The following PTPRD variants were observed in gnomAD, a reference collection of about 807,000 sequenced individuals.
PTPRD encodes receptor-type tyrosine-protein phosphatase delta.
PTPRD carries 34 observed loss-of-function variants against 214.5 expected under a neutral mutation model. That is an observed-to-expected ratio of 0.16 (90% CI 0.12 to 0.21). The LOEUF is 0.21. Among genes scored for constraint, PTPRD ranks in the 10% least tolerant of loss-of-function variants. The probability of loss-of-function intolerance (pLI) is 1.00; values close to 1 mark genes in which losing one functional copy is unlikely to be tolerated. For missense variants in PTPRD, 2,545 were observed against 2,398.7 expected (o/e 1.06, Z -1.27); for synonymous variants, 1,128 against 845.7 (o/e 1.33, Z -5.79).
intron 2 of PTPRD, among the ~76,000 whole-genome samples, chr9:10,596,415 A>G (rs1171786952): frequency 2.0e-5 from 3 of 151,758 alleles, no homozygotes; most frequent in Non-Finnish European, 4.4e-5. Flanking sequence ...CAGAGACACT[A>G]GATTAAGCCT....
chr9:8,611,994 T>C (rs560295058), intron 14 of PTPRD, among the ~76,000 whole-genome samples: 3 of 56,454 alleles, frequency 5.3e-5, no homozygotes, highest in South Asian at 6.1e-4. Flanking sequence ...GAGGGGAGGG[T>C]TTGGGAGGGG....
At chr9:9,294,748 G>T (rs932554256) in intron 9 of PTPRD, among the ~76,000 whole-genome samples, 10 of 151,598 alleles carry the variant, frequency 6.6e-5, no homozygotes, top group African/African-American at 2.2e-4. Context: ...ATGACAAAAT[G>T]AATTTCTGTT....
intron 3 of PTPRD, among the ~76,000 whole-genome samples, chr9:10,161,935 T>C (rs2099129540): frequency 6.6e-6 from 1 of 151,598 alleles, no homozygotes; most frequent in Non-Finnish European, 1.5e-5. Flanking sequence ...AAAGTATATT[T>C]TTTAAAAAAA....
rs547340681 is a variant in PTPRD, at chr9:9,582,141, A to C, written c.-286-7360T>G. ...TGGCAGAAACTTCTAGTTATCCCTC[A>C]ACATCCATCTTACTTTACTTATTTT... On this transcript the variant is annotated intron_variant, in intron 7 of 45. Transcript: ENST00000381196. Among the ~76,000 whole-genome samples, 104 of 152,204 alleles carry C rather than the reference A, an allele frequency of 6.8e-4. 1 individual carries two copies. Among genetic ancestry groups the C allele is most frequent in the Non-Finnish European group, 1.3e-3 (89 of 67,974 alleles).
At chr9:9,244,324 G>T (rs1252260070) in intron 9 of PTPRD, among the ~76,000 whole-genome samples, 2 of 152,002 alleles carry the variant, frequency 1.3e-5, no homozygotes, top group Non-Finnish European at 2.9e-5. Flanking sequence ...AGCCCGCATT[G>T]CCAAGTCAAT....
In PTPRD at chr9:9,136,316, T is replaced by C. The variant is rs1207703711; in HGVS notation, c.-143+46988A>G. Among the ~76,000 whole-genome samples the C allele has an allele frequency of 6.6e-5, 10 of 152,180 alleles. No homozygotes were observed. The South Asian group carries it at 1.7e-3, about 25-fold the overall frequency. ...AGATTAACATGGCTTAATTACTTTA[T>C]TATAAGGTGTTGGTAGCATTCTATA... On this transcript the variant is annotated intron_variant, in intron 10 of 45. Coordinates refer to ENST00000381196, the MANE Select transcript of PTPRD (RefSeq NM_002839.4).
At position 8,673,524 on chromosome 9, in the gene PTPRD, T is replaced by C. The variant is rs76391518; in HGVS notation, c.65-36680A>G. ...CAACTGCCACTTATTTACACTCTCT[T>C]AAGCCTTCCAGATAACAGACAGCTG... is the stretch of plus-strand genomic sequence containing the variant. On this transcript the variant is annotated intron_variant, in intron 12 of 45. Coordinates refer to ENST00000381196, the MANE Select transcript of PTPRD (RefSeq NM_002839.4). Among the ~76,000 whole-genome samples the C allele has an allele frequency of 1.8e-3, 270 of 152,336 alleles. 1 individual carries two copies. Among genetic ancestry groups the C allele is most frequent in the East Asian group, 0.014 (75 of 5,184 alleles).
intron 2 of PTPRD, among the ~76,000 whole-genome samples, chr9:10,395,245 T>C (rs1170153856): frequency 6.6e-6 from 1 of 151,058 alleles, no homozygotes; most frequent in Non-Finnish European, 1.5e-5. Context: ...ATGCTATCCC[T>C]CCCCCATCCC....
At chr9:10,611,505 T>C (rs1323556376) in intron 2 of PTPRD, among the ~76,000 whole-genome samples, 17 of 152,224 alleles carry the variant, frequency 1.1e-4, no homozygotes, top group Admixed American at 1.0e-3. Context: ...TTTATATATA[T>C]GTATAATGAA....
At chr9:10,351,622 T>C (rs1454850704) in intron 2 of PTPRD, among the ~76,000 whole-genome samples, 3 of 151,598 alleles carry the variant, frequency 2.0e-5, no homozygotes. Context: ...GAAATAATAC[T>C]GGGCAATCAG....
intron 12 of PTPRD, among the ~76,000 whole-genome samples, chr9:8,661,371 G>C (rs758013276): frequency 6.6e-6 from 1 of 151,846 alleles, no homozygotes; most frequent in Non-Finnish European, 1.5e-5. Context: ...ACCAATTATA[G>C]CAGAAGGTTG....
chr9:8,331,382 T>A (rs1332022043), intron 44 of PTPRD, among the ~76,000 whole-genome samples, 200 bp downstream of exon 44: 5 of 149,242 alleles, frequency 3.4e-5, no homozygotes, highest in Admixed American at 6.7e-5. Context: ...TAAACATTTT[T>A]TTGGGGCTAA....
intron 11 of PTPRD, among the ~76,000 whole-genome samples, chr9:8,915,584 T>A (rs970375979): frequency 1.3e-5 from 2 of 152,178 alleles, no homozygotes; most frequent in African/African-American, 4.8e-5. Flanking sequence ...TCCCAAGAGC[T>A]ACAGCTGGCA....
At chr9:8,675,520 TACAC>T (rs1188291707) in intron 12 of PTPRD, among the ~76,000 whole-genome samples, 18 of 82,930 alleles carry the variant, frequency 2.2e-4, no homozygotes, top group African/African-American at 8.3e-4. Context: ...TATGCACACA[TACAC>T]ACACACACAC....
chr9:10,435,118 G>T (rs991008427), intron 2 of PTPRD, among the ~76,000 whole-genome samples: 1 of 151,808 alleles, frequency 6.6e-6, no homozygotes. Context: ...GGGCATTACT[G>T]CTCCAAGGAC....
chr9:10,184,906 G>A (rs71501061), intron 3 of PTPRD, among the ~76,000 whole-genome samples: 529 of 152,182 alleles, frequency 3.5e-3, no homozygotes, highest in Middle Eastern at 6.8e-3. Context: ...ACACCTGAAG[G>A]GCAGGAAGAC....
At chr9:9,980,992 T>C (rs1282304599) in intron 4 of PTPRD, among the ~76,000 whole-genome samples, 1 of 152,182 alleles carries the variant, frequency 6.6e-6, no homozygotes, top group African/African-American at 2.4e-5. Flanking sequence ...TCTCACACTA[T>C]TCATTTAACC....
intron 8 of PTPRD, among the ~76,000 whole-genome samples, chr9:9,482,972 A>G (rs985686997): frequency 6.6e-6 from 1 of 152,164 alleles, no homozygotes; most frequent in Non-Finnish European, 1.5e-5. Context: ...TTATTGGCAA[A>G]CTGCATATTT....
At chr9:9,117,834 C>T (rs1361901252) in intron 10 of PTPRD, among the ~76,000 whole-genome samples, 3 of 151,438 alleles carry the variant, frequency 2.0e-5, no homozygotes, top group Non-Finnish European at 4.4e-5. Flanking sequence ...CTTGAAAAAC[C>T]AAACTGATGC....
Sources: gnomAD v4.1 joint callset for allele counts (sites outside exome capture counted in the v4.1 genomes callset) on GRCh38, gnomAD v4.1.1 for gene constraint, MANE v1.5 for transcripts, NCBI Gene and HGNC (gene_info 2026-07-23, HGNC 2026-07-21) for gene names.